Variants in GPR161 observed in about 807,000 individuals in gnomAD.
GPR161 encodes the protein G protein-coupled receptor 161.
A neutral mutation model predicts 39.2 loss-of-function variants in GPR161; 25 were observed. The observed-to-expected ratio is 0.64, with a 90% CI of 0.47 to 0.89. GPR161 has a LOEUF of 0.89. Ranked by LOEUF, GPR161 falls within the 40% of genes least tolerant of loss-of-function variation. The pLI is 0.00. For missense variants in GPR161, 547 were observed against 677.8 expected, an observed-to-expected ratio of 0.81 and a Z score of 2.14; for synonymous variants, 286 against 276.6, an observed-to-expected ratio of 1.03 and a Z score of -0.34.
At chr1:168,132,358 C>T (rs141468670) in intron 1 of GPR161, among the ~76,000 whole-genome samples, 26 of 151,722 alleles carry the variant, frequency 1.7e-4, no homozygotes, top group Non-Finnish European at 3.1e-4. Context: ...GAGGTCGAGG[C>T]GGGCGGATCA....
At chr1:168,133,903 T>C (rs577665758) in intron 1 of GPR161, 1 of 969,598 alleles carries the variant, frequency 1.0e-6, no homozygotes, top group African/African-American at 1.8e-5. Flanking sequence ...GTGACCATAT[T>C]GAGCACACTG....
intron 1 of GPR161, among the ~76,000 whole-genome samples, chr1:168,118,105 C>T (rs538062082): frequency 2.4e-4 from 37 of 152,194 alleles, no homozygotes; most frequent in African/African-American, 7.7e-4. Context: ...ACACCAAAGG[C>T]ACAAGCAACA....
chr1:168,090,155 G>C (rs1694914100), intron 4 of GPR161, among the ~76,000 whole-genome samples: 1 of 152,226 alleles, frequency 6.6e-6, no homozygotes, highest in African/African-American at 2.4e-5. Flanking sequence ...TTTAGGAGGA[G>C]ATCATGCAAC....
At chr1:168,119,275 T>TATAAATATATATATATGTATAC (rs1558130238) in intron 1 of GPR161, among the ~76,000 whole-genome samples, 1 of 101,426 alleles carries the variant, frequency 9.9e-6, no homozygotes, top group African/African-American at 4.8e-5. Flanking sequence ...TATGTGTATA[T>TATAAATATATATATATGTATAC]ATATATATAT....
At chr1:168,086,877 C>G (rs1040010756) in intron 5 of GPR161, among the ~76,000 whole-genome samples, 1 of 152,132 alleles carries the variant, frequency 6.6e-6, no homozygotes, top group Non-Finnish European at 1.5e-5. Context: ...TAATTATGAA[C>G]CTAAAACTCT....
chr1:168,110,890 C>T (rs1194423199), intron 1 of GPR161, among the ~76,000 whole-genome samples: 1 of 150,136 alleles, frequency 6.7e-6, no homozygotes, highest in Non-Finnish European at 1.5e-5. Flanking sequence ...TGCCATTGCA[C>T]TCCAGCCTGG....
chr1:168,104,631 A>G lies in GPR161; in HGVS notation c.220T>C (p.Phe74Leu). 6.2e-7 allele frequency: 1 copy of G among 1,614,164 alleles called. No individual in the cohort carries two copies. Among genetic ancestry groups the G allele is most frequent in the Non-Finnish European group, 8.5e-7 (1 of 1,179,990 alleles). ...KFVFSLTLSN[F>L]LLSVLVLPFV... ...GGCAGCACCAACACGGACAGCAGGA[A>G]GTTGGACAGAGTCAGGCTGAAGACG... The change falls in exon 2 of 6, where the codon TTC becomes CTC. Residue 74 changes from phenylalanine to leucine, a missense_variant. By Grantham distance (22) the Phe-to-Leu change is conservative (BLOSUM62 0). Coordinates refer to ENST00000682931, the MANE Select transcript of GPR161 (RefSeq NM_001375883.1).
At chr1:168,096,227 T>C (rs938479424) in intron 3 of GPR161, among the ~76,000 whole-genome samples, 3 of 151,766 alleles carry the variant, frequency 2.0e-5, no homozygotes, top group Admixed American at 1.3e-4. Context: ...AGAAAGCAGA[T>C]TTCTGGACCG....
At chr1:168,110,722 G>A (rs183518950) in intron 1 of GPR161, among the ~76,000 whole-genome samples, 11 of 152,018 alleles carry the variant, frequency 7.2e-5, no homozygotes, top group Non-Finnish European at 1.2e-4. Flanking sequence ...TCAGGAGTTC[G>A]AGACCAGCCT....
Position 168,090,638 on chromosome 1 carries a change from A to C in GPR161, c.1130T>G (p.Leu377Arg). ...CCCCAGGGGCTGTCCACCTGCCATG[A>C]GCGCAGTGAGGTGTGGGGACAGGCC... Reference protein sequence around the residue: ...DLGLSPHLTALMAGGQPLGHS... With the variant: ...DLGLSPHLTARMAGGQPLGHS... Residue 377 changes from leucine to arginine, a missense_variant, in exon 4 of 6, where the codon CTC becomes CGC. Leu to Arg is a moderately radical substitution (Grantham distance 102). Transcript: ENST00000682931. The C allele has an allele frequency of 6.2e-7, 1 of 1,611,514 alleles. No homozygotes were observed. The highest frequency in any genetic ancestry group is 8.5e-7 in the Non-Finnish European group (1 of 1,177,834).
chr1:168,136,705 G>C (rs1572408047), intron 1 of GPR161, 34 bp downstream of exon 1: 2 of 1,057,866 alleles, frequency 1.9e-6, no homozygotes, highest in East Asian at 6.6e-5. Flanking sequence ...CTCTCCGCCC[G>C]GGCCCGCGCC....
At chr1:168,093,508 C>G (rs1695253493) in intron 3 of GPR161, among the ~76,000 whole-genome samples, 1 of 152,240 alleles carries the variant, frequency 6.6e-6, no homozygotes, top group South Asian at 2.1e-4. Context: ...CTCATATGCA[C>G]TGCTTTTAGG....
In GPR161 at chr1:168,095,970, C is replaced by T. The variant is rs146973052; in HGVS notation, c.1099+538G>A. On this transcript the variant is annotated intron_variant, in intron 3 of 5. Coordinates refer to ENST00000682931, the MANE Select transcript of GPR161 (RefSeq NM_001375883.1). ...GCCAATATGGTGAAACCCGTCTCTA[C>T]TAAAAATATAAAAAGTAGTTGGGTG... Among the ~76,000 whole-genome samples the T allele has an allele frequency of 7.0e-3, 1,070 of 151,832 alleles. 12 individuals are homozygous for T. Among genetic ancestry groups the T allele is most frequent in the African/African-American group, 0.024 (1,001 of 41,404 alleles).
At chr1:168,135,137 T>C (rs1043658098) in intron 1 of GPR161, 3 of 1,367,604 alleles carry the variant, frequency 2.2e-6, no homozygotes, top group Non-Finnish European at 2.9e-6. Context: ...CTTGATGTTA[T>C]GGCAGTGGAG....
chr1:168,079,849 G>A lies in GPR161; in HGVS notation c.*5682C>T, dbSNP rs371346940. On this transcript the variant is annotated 3_prime_UTR_variant, in exon 6 of 6. Coordinates refer to ENST00000682931, the MANE Select transcript of GPR161 (RefSeq NM_001375883.1). ...TCTGCCAGGCCTGTGATTCTCCCTA[G>A]GACTGTCTTTTCCTCTGGGAGGACT... 6.6e-6 allele frequency: 1 copy of A among 152,072 alleles called. No homozygotes were observed. Among genetic ancestry groups the A allele is most frequent in the South Asian group, 2.1e-4 (1 of 4,822 alleles). The allele number at this position is 152,072 out of a possible 1,614,324, so 9.4% of individuals were successfully genotyped here. A position where few individuals can be genotyped will look rare whatever the true frequency, so the allele number is the denominator to read the frequency against.
intron 3 of GPR161, among the ~76,000 whole-genome samples, chr1:168,096,117 G>A (rs1439596019): frequency 1.6e-4 from 17 of 106,872 alleles, no homozygotes; most frequent in African/African-American, 6.2e-4. Flanking sequence ...CTGGACAACA[G>A]AGCAAGACCC....
At chr1:168,107,215 A>T (rs2102181717) in intron 1 of GPR161, among the ~76,000 whole-genome samples, 1 of 152,372 alleles carries the variant, frequency 6.6e-6, no homozygotes, top group African/African-American at 2.4e-5. Context: ...CTAGTTAAAA[A>T]AAAATCAAGA....
At chr1:168,117,674 C>T (rs1697752353) in intron 1 of GPR161, among the ~76,000 whole-genome samples, 1 of 152,188 alleles carries the variant, frequency 6.6e-6, no homozygotes, top group Non-Finnish European at 1.5e-5. Context: ...AGGTAAGTGA[C>T]TAGTTCAAGA....
intron 1 of GPR161, among the ~76,000 whole-genome samples, chr1:168,112,164 A>AG (rs763969750): frequency 3.9e-5 from 6 of 152,192 alleles, no homozygotes; most frequent in African/African-American, 9.7e-5. Flanking sequence ...GATAAGAGGT[A>AG]GGGTACAAGA....
Sources: gnomAD v4.1 joint callset for allele counts (sites outside exome capture counted in the v4.1 genomes callset) on GRCh38, gnomAD v4.1.1 for gene constraint, MANE v1.5 for transcripts, NCBI Gene and HGNC (gene_info 2026-07-23, HGNC 2026-07-21) for gene names.